The following ULK2 variants were observed in gnomAD, a reference collection of about 807,000 sequenced individuals.
The protein encoded by ULK2 is serine/threonine-protein kinase ULK2.
In ULK2, 76 loss-of-function variants were observed where a neutral mutation model predicts 127.5. The ratio of observed to expected loss-of-function variants is 0.60; its 90% CI spans 0.50 to 0.72. The LOEUF (loss-of-function observed/expected upper bound fraction) is 0.72, where lower values mean the gene tolerates loss of function less well. ULK2 is among the 30% of genes least tolerant of loss of function. The probability of loss-of-function intolerance (pLI) is 0.00; values close to 1 mark genes in which losing one functional copy is unlikely to be tolerated. For missense variants in ULK2, 1,144 were observed against 1,295.9 expected (o/e 0.88, Z 1.80); for synonymous variants, 452 against 461.9 (o/e 0.98, Z 0.28).
In ULK2 at chr17:19,842,449, G is replaced by A. The variant is rs557017765; in HGVS notation, c.645+672C>T. On this transcript the variant is annotated intron_variant, in intron 8 of 26. Coordinates refer to ENST00000395544, the MANE Select transcript of ULK2 (RefSeq NM_014683.4). ...CGACCTCAGGTGATCTGCCCGCCTC[G>A]GCCTCCCAAAGTGCTGGGATTACAG... Among the ~76,000 whole-genome samples the A allele has an allele frequency of 5.3e-5, 8 of 151,814 alleles. No homozygotes were observed. In the East Asian group the frequency reaches 7.7e-4, roughly 15 times the overall value.
chr17:19,791,035 A>C (rs1286152112), intron 20 of ULK2, among the ~76,000 whole-genome samples: 1 of 152,228 alleles, frequency 6.6e-6, no homozygotes, highest in Non-Finnish European at 1.5e-5. Flanking sequence ...AAAGACAGAG[A>C]TAGACCCCAA....
In ULK2 at chr17:19,804,830, C is replaced by G; in HGVS notation, c.1158G>C (p.Gly386=). The G allele has an allele frequency of 6.2e-7, 1 of 1,609,676 alleles. No individual in the cohort carries two copies. The highest frequency in any genetic ancestry group is 8.5e-7 in the Non-Finnish European group (1 of 1,178,250). ...GAGGTGACACAGTAGGCTGACACTGCCTGCAATCGTAATTTATTGAAAAAG... is the reference window on the plus strand; with the variant it reads ...GAGGTGACACAGTAGGCTGACACTGGCTGCAATCGTAATTTATTGAAAAAG... ...RASNEFLVCG[G]QCQPTVSPHS... The change falls in exon 15 of 27, where the codon GGG becomes GGC. Residue 386 remains glycine, a splice_region_variant and synonymous_variant. Transcript: ENST00000395544.
chr17:19,857,970 G>A (rs2152401961), intron 3 of ULK2, among the ~76,000 whole-genome samples: 1 of 151,938 alleles, frequency 6.6e-6, no homozygotes, highest in Middle Eastern at 3.4e-3. Context: ...CCCCCACCTA[G>A]CCTTCTCCCA....
At chr17:19,819,697 C>T (rs1180507333) in intron 12 of ULK2, among the ~76,000 whole-genome samples, 1 of 152,162 alleles carries the variant, frequency 6.6e-6, no homozygotes, top group Non-Finnish European at 1.5e-5. Flanking sequence ...TCAGAGTGAC[C>T]TTGCCAGCCG....
intron 26 of ULK2, 139 bp downstream of exon 26, chr17:19,777,442 A>G: frequency 1.1e-6 from 1 of 916,920 alleles, no homozygotes; most frequent in Non-Finnish European, 1.6e-6. Context: ...GAGGCCACAC[A>G]AAGGCTGTGA....
intron 9 of ULK2, chr17:19,840,374 T>C: frequency 3.8e-6 from 2 of 520,694 alleles, no homozygotes; most frequent in East Asian, 5.3e-5. Flanking sequence ...TCAGACCCAC[T>C]CCTAAAAACT....
chr17:19,783,928 T>G, intron 21 of ULK2, 23 bp from the exon 22 acceptor site: 1 of 1,451,270 alleles, frequency 6.9e-7, no homozygotes, highest in Non-Finnish European at 9.1e-7. Flanking sequence ...AGAGGATACA[T>G]GGCAGTGTCC....
At chr17:19,804,625 C>T in intron 15 of ULK2, 68 bp downstream of exon 15, 1 of 1,511,386 alleles carries the variant, frequency 6.6e-7, no homozygotes, top group Non-Finnish European at 8.9e-7. Flanking sequence ...AACATATCTT[C>T]CAATATCAAT....
chr17:19,787,956 T>C (rs925675972), intron 20 of ULK2, among the ~76,000 whole-genome samples: 3 of 152,190 alleles, frequency 2.0e-5, no homozygotes, highest in African/African-American at 4.8e-5. Flanking sequence ...CTCAGTGCTG[T>C]CCTGTCACAG....
intron 3 of ULK2, among the ~76,000 whole-genome samples, chr17:19,860,284 G>A (rs1310537471): frequency 6.6e-6 from 1 of 152,102 alleles, no homozygotes; most frequent in African/African-American, 2.4e-5. Context: ...CTTTTTAAGT[G>A]TCATCTAAAC....
chr17:19,790,164 C>T (rs1166192421), intron 20 of ULK2, among the ~76,000 whole-genome samples: 2 of 152,066 alleles, frequency 1.3e-5, no homozygotes, highest in Non-Finnish European at 2.9e-5. Context: ...AGCCTGTAAT[C>T]CTAGCAATTT....
At chr17:19,783,084 G>A (rs2086953815) in intron 22 of ULK2, among the ~76,000 whole-genome samples, 1 of 152,170 alleles carries the variant, frequency 6.6e-6, no homozygotes, top group African/African-American at 2.4e-5. Context: ...CTAGTGACAG[G>A]AGAATAAGCC....
At position 19,866,274 on chromosome 17, in the gene ULK2, CG is replaced by C. The variant is rs1208830850; in HGVS notation, c.91-447del. Among the ~76,000 whole-genome samples the C allele has an allele frequency of 3.3e-5, 5 of 151,848 alleles. No homozygotes were observed. In the South Asian group the frequency reaches 8.3e-4, roughly 25 times the overall value. ...CTTTGGGAGGCTGAGGCGGGCAGAT[CG>C]GATCACCTGAGGTCAGGAGTTCAAG... On this transcript the variant is annotated intron_variant, in intron 1 of 26. Transcript: ENST00000395544.
At position 19,804,690 on chromosome 17, in the gene ULK2, T is replaced by C. The variant is rs2087475630; in HGVS notation, c.1295+3A>G. 3 of 1,583,498 alleles carry C rather than the reference T, an allele frequency of 1.9e-6. No homozygotes were observed. In the Admixed American group the frequency reaches 5.4e-5, roughly 28 times the overall value. On this transcript the variant is annotated splice_donor_region_variant and intron_variant, in intron 15 of 26. Coordinates refer to ENST00000395544, the MANE Select transcript of ULK2 (RefSeq NM_014683.4). ...TTAAGCAAGAAAAAAGCTACTAACT[T>C]ACCTTGGAGAACCATGTACATTTGT...
At position 19,865,846 on chromosome 17, in the gene ULK2, T is replaced by C. The variant is rs2042340419; in HGVS notation, c.91-18A>G. 1 of 1,440,764 alleles carries C rather than the reference T, an allele frequency of 6.9e-7. No individual in the cohort carries two copies. Among genetic ancestry groups the C allele is most frequent in the African/African-American group, 1.4e-5 (1 of 70,608 alleles). 89.2% of individuals were successfully genotyped at this position (1,440,764 alleles called of 1,614,324 possible). On this transcript the variant is annotated intron_variant, in intron 1 of 26. Coordinates refer to ENST00000395544, the MANE Select transcript of ULK2 (RefSeq NM_014683.4). ...TCAGTTTTCTGAAAAGGAAAAACAG[T>C]GTTACTCCTAGATACCATTCCACAT...
At chr17:19,791,367 T>A (rs543304066) in intron 20 of ULK2, among the ~76,000 whole-genome samples, 3 of 151,920 alleles carry the variant, frequency 2.0e-5, no homozygotes, top group African/African-American at 7.3e-5. Context: ...CTAGCCAACA[T>A]GGCAAAACCC....
At chr17:19,780,843 C>G in intron 24 of ULK2, 143 bp downstream of exon 24, 1 of 962,944 alleles carries the variant, frequency 1.0e-6, no homozygotes, top group East Asian at 2.5e-5. Flanking sequence ...CTGCAAAAAG[C>G]TAACAACCCA....
chr17:19,827,175 T>C (rs1219866617), intron 10 of ULK2, among the ~76,000 whole-genome samples: 1 of 152,192 alleles, frequency 6.6e-6, no homozygotes, highest in African/African-American at 2.4e-5. Context: ...CATTTCATCT[T>C]TTCCCCGACA....
intron 12 of ULK2, among the ~76,000 whole-genome samples, chr17:19,818,574 C>T (rs1431897575): frequency 3.3e-5 from 5 of 152,032 alleles, no homozygotes; most frequent in African/African-American, 1.2e-4. Context: ...GGAAGAGATG[C>T]TTCTCTTCCA....
Sources: gnomAD v4.1 joint callset for allele counts (sites outside exome capture counted in the v4.1 genomes callset) on GRCh38, gnomAD v4.1.1 for gene constraint, MANE v1.5 for transcripts, NCBI Gene and HGNC (gene_info 2026-07-23, HGNC 2026-07-21) for gene names.